The following AKAP7 variants were observed in gnomAD, a reference collection of about 807,000 sequenced individuals.
The protein encoded by AKAP7 is A-kinase anchoring protein 7.
Under a neutral mutation model 39.5 loss-of-function variants are expected in AKAP7, and 39 were observed. The observed-to-expected ratio is 0.99, with a 90% CI of 0.76 to 1.29. The LOEUF is 1.29. Ranked by LOEUF, AKAP7 falls within the 50% of genes most tolerant of loss-of-function variation. The pLI, the probability that AKAP7 is intolerant of heterozygous loss-of-function variation, is 0.00. For synonymous variants in AKAP7, 140 were observed against 139.1 expected (o/e 1.01, Z -0.05); for missense variants, 414 against 407.7 (o/e 1.02, Z -0.13).
At position 131,282,126 on chromosome 6, in the gene AKAP7, G is replaced by A. The variant is rs1815249153; in HGVS notation, c.*400G>A. On this transcript the variant is annotated 3_prime_UTR_variant, in exon 8 of 8. Coordinates refer to ENST00000431975, the MANE Select transcript of AKAP7 (RefSeq NM_016377.4). ...TCTGAGGCCAGAACTCTCACACACA[G>A]CTATCAAGTGCTAAGTTTAAAATAA... 1 of 1,175,500 alleles carries A rather than the reference G, an allele frequency of 8.5e-7. No individual in the cohort carries two copies. The highest frequency in any genetic ancestry group is 1.0e-6 in the Non-Finnish European group (1 of 952,616). The allele number at this position is 1,175,500 out of a possible 1,614,324, so 72.8% of individuals were successfully genotyped here. A position where few individuals can be genotyped will look rare whatever the true frequency, so the allele number is the denominator to read the frequency against.
chr6:131,129,714 C>G, the AKAP7 span, among the ~76,000 whole-genome samples: 1 of 152,164 alleles, frequency 6.6e-6, no homozygotes, highest in African/African-American at 2.4e-5. Flanking sequence ...ATATTATACT[C>G]AAACATTAAT....
chr6:131,177,356 G>T (rs1031154360), intron 5 of AKAP7, among the ~76,000 whole-genome samples: 1 of 152,130 alleles, frequency 6.6e-6, no homozygotes, highest in African/African-American at 2.4e-5. Context: ...ACCACATGCT[G>T]GGTCAAAACA....
intron 3 of AKAP7, chr6:131,164,603 G>A: frequency 2.9e-6 from 1 of 342,138 alleles, no homozygotes; most frequent in Non-Finnish European, 5.8e-6. Context: ...AGGCCATGAG[G>A]AACGGGTTCA....
At chr6:131,146,444 A>G (rs760293234) in intron 2 of AKAP7, among the ~76,000 whole-genome samples, 5 of 152,186 alleles carry the variant, frequency 3.3e-5, no homozygotes, top group Admixed American at 2.0e-4. Context: ...CCCCATCTCT[A>G]TTTTAGTAAA....
intron 7 of AKAP7, chr6:131,250,412 T>TC (rs1324677107): frequency 6.2e-6 from 9 of 1,453,634 alleles, no homozygotes; most frequent in Admixed American, 2.3e-5. Context: ...CTCCTTTCTC[T>TC]CCCCCGGCGG....
Position 131,160,056 on chromosome 6 carries a change from T to C in AKAP7, c.152-3T>C. On this transcript the variant is annotated splice_region_variant and splice_polypyrimidine_tract_variant and intron_variant, in intron 2 of 7. Transcript: ENST00000431975. ...GACGTATTGTTTGACTTTTTTCCTC[T>C]AGTCACTGATGAACCTCAAATAAAT... 6.3e-7 allele frequency: 1 copy of C among 1,575,448 alleles called. No homozygotes were observed. Among genetic ancestry groups the C allele is most frequent in the Admixed American group, 2.1e-5 (1 of 47,534 alleles).
chr6:131,268,520 A>T (rs1813998076), intron 7 of AKAP7, among the ~76,000 whole-genome samples: 1 of 152,104 alleles, frequency 6.6e-6, no homozygotes, highest in Non-Finnish European at 1.5e-5. Context: ...CATCATGGGA[A>T]TTTTCTCAGC....
intron 4 of AKAP7, among the ~76,000 whole-genome samples, chr6:131,167,227 A>G (rs1202471916): frequency 5.9e-5 from 9 of 152,194 alleles, no homozygotes; most frequent in Admixed American, 5.9e-4. Context: ...AAATATTTTG[A>G]AAGTTAGTGA....
At chr6:131,247,020 A>G (rs1325266400) in intron 7 of AKAP7, among the ~76,000 whole-genome samples, 1 of 152,058 alleles carries the variant, frequency 6.6e-6, no homozygotes, top group Non-Finnish European at 1.5e-5. Flanking sequence ...TTTCACCTGT[A>G]AAATGGGGAT....
rs556382512 is a variant in AKAP7 at position 131,251,687 on chromosome 6, G to A, written c.851-29843G>A. ...GTCTCCAAACATTGGAAACTGTGGA[G>A]CATTTGATTGTTAACAAGGAGCCAA... On this transcript the variant is annotated intron_variant, in intron 7 of 7. Transcript: ENST00000431975. Among the ~76,000 whole-genome samples the A allele has an allele frequency of 3.3e-5, 5 of 152,338 alleles. No individual in the cohort carries two copies. The South Asian group carries it at 1.0e-3, about 32-fold the overall frequency.
At chr6:131,261,582 A>AAATC (rs1813342360) in intron 7 of AKAP7, among the ~76,000 whole-genome samples, 1 of 152,202 alleles carries the variant, frequency 6.6e-6, no homozygotes, top group Admixed American at 6.5e-5. Flanking sequence ...CTCCAATGTA[A>AAATC]AATCAGATTT....
rs77822310 is a variant in AKAP7, at chr6:131,210,295, C to T, written c.703-9366C>T. Among the ~76,000 whole-genome samples the T allele has an allele frequency of 5.6e-3, 857 of 152,300 alleles. 12 individuals carry two copies. The highest frequency in any genetic ancestry group is 0.02 in the African/African-American group (821 of 41,556). On this transcript the variant is annotated intron_variant, in intron 6 of 7. Transcript: ENST00000431975. ...ATACTAAACCAGTTCAGTTCTCTTT[C>T]AATTGGTTACTCTAGTAAATTAAAA...
At chr6:131,240,490 G>A (rs1554217700) in intron 7 of AKAP7, among the ~76,000 whole-genome samples, 1 of 152,200 alleles carries the variant, frequency 6.6e-6, no homozygotes, top group Non-Finnish European at 1.5e-5. Flanking sequence ...GTTTGGCTAT[G>A]CCCTGCCCCC....
intron 7 of AKAP7, among the ~76,000 whole-genome samples, chr6:131,253,659 C>CTTATTTATTTAT (rs56220549): frequency 4.2e-4 from 63 of 149,794 alleles, no homozygotes; most frequent in African/African-American, 9.6e-4. Flanking sequence ...ATGAGATCTA[C>CTTATTTATTTAT]TTATTTATTT....
intron 5 of AKAP7, among the ~76,000 whole-genome samples, chr6:131,180,398 T>A (rs1805056755): frequency 6.6e-6 from 1 of 152,064 alleles, no homozygotes; most frequent in South Asian, 2.1e-4. Flanking sequence ...ACCTTTCCTA[T>A]CCCTAAACAA....
At chr6:131,242,628 T>A (rs1210073518) in intron 7 of AKAP7, among the ~76,000 whole-genome samples, 2 of 152,094 alleles carry the variant, frequency 1.3e-5, no homozygotes, top group East Asian at 3.9e-4. Flanking sequence ...GTAGCTTGCC[T>A]ATTCTGAGCC....
chr6:131,237,858 T>G (rs1811203749), intron 7 of AKAP7, among the ~76,000 whole-genome samples: 2 of 152,222 alleles, frequency 1.3e-5, no homozygotes. Context: ...AAAAACCAGC[T>G]CCTGGATTCA....
the AKAP7 span, among the ~76,000 whole-genome samples, chr6:131,130,346 CA>C: frequency 3.9e-5 from 6 of 152,004 alleles, no homozygotes; most frequent in Non-Finnish European, 5.9e-5. Flanking sequence ...TCTTGTTGCC[CA>C]GGCACAATCT....
intron 7 of AKAP7, among the ~76,000 whole-genome samples, chr6:131,245,699 A>T (rs1232165990): frequency 6.6e-6 from 1 of 152,162 alleles, no homozygotes; most frequent in African/African-American, 2.4e-5. Context: ...TTGGCATAAC[A>T]GTTTCCATGA....
Sources: gnomAD v4.1 joint callset for allele counts (sites outside exome capture counted in the v4.1 genomes callset) on GRCh38, gnomAD v4.1.1 for gene constraint, MANE v1.5 for transcripts, NCBI Gene and HGNC (gene_info 2026-07-23, HGNC 2026-07-21) for gene names.